ARHGAP44: variants seen among roughly 807,000 people sequenced by gnomAD.
ARHGAP44 encodes the protein Rho GTPase activating protein 44.
Under a neutral mutation model 106.8 loss-of-function variants are expected in ARHGAP44, and 43 were observed. The observed-to-expected ratio is 0.40, with a 90% CI of 0.32 to 0.52. The LOEUF is 0.52. Among genes scored for constraint, ARHGAP44 ranks in the 20% least tolerant of loss-of-function variants. The probability of loss-of-function intolerance (pLI) is 0.48; values close to 1 mark genes in which losing one functional copy is unlikely to be tolerated. For synonymous variants in ARHGAP44, 439 were observed against 410.3 expected (o/e 1.07, Z -0.85); for missense variants, 866 against 1,050.5 (o/e 0.82, Z 2.43).
At chr17:12,973,343 G>A (rs1598145037) in intron 17 of ARHGAP44, 24 bp downstream of exon 17, 2 of 1,604,246 alleles carry the variant, frequency 1.2e-6, no homozygotes, top group East Asian at 2.2e-5. Context: ...TGGTAGCTAT[G>A]AGGCCATGCT....
intron 10 of ARHGAP44, among the ~76,000 whole-genome samples, chr17:12,946,982 C>T (rs777294549): frequency 6.6e-6 from 1 of 152,102 alleles, no homozygotes; most frequent in Non-Finnish European, 1.5e-5. Flanking sequence ...GCATTTTTTC[C>T]CTGTTTTGTG....
intron 8 of ARHGAP44, among the ~76,000 whole-genome samples, 177 bp downstream of exon 8, chr17:12,941,301 G>T (rs575349905): frequency 6.6e-6 from 1 of 151,996 alleles, no homozygotes; most frequent in Non-Finnish European, 1.5e-5. Context: ...AAAAACCTTA[G>T]AATAAAACTC....
chr17:12,979,572 A>G (rs1413593289), intron 18 of ARHGAP44, among the ~76,000 whole-genome samples: 1 of 152,166 alleles, frequency 6.6e-6, no homozygotes, highest in Non-Finnish European at 1.5e-5. Context: ...CTGGAGGCTC[A>G]GGGCAAACAG....
At chr17:12,797,714 G>A (rs769128824) in intron 1 of ARHGAP44, among the ~76,000 whole-genome samples, 1 of 152,072 alleles carries the variant, frequency 6.6e-6, no homozygotes, top group African/African-American at 2.4e-5. Context: ...AAGTTGATCA[G>A]TTTTCTTGAC....
At position 12,958,963 on chromosome 17, in the gene ARHGAP44, G is replaced by T. The variant is rs554958225; in HGVS notation, c.1523+66G>T. 3.3e-6 allele frequency: 5 copies of T among 1,526,972 alleles called. No homozygotes were observed. The highest frequency in any genetic ancestry group is 2.0e-5 in the Admixed American group (1 of 51,270). 94.6% of individuals were successfully genotyped at this position (1,526,972 alleles called of 1,614,324 possible). ...GAGGTGGTGGGGGTGGATGGGTGACGCATAAGAAAAATACAATTACGGGAA... is the reference window on the plus strand; with the variant it reads ...GAGGTGGTGGGGGTGGATGGGTGACTCATAAGAAAAATACAATTACGGGAA... On this transcript the variant is annotated intron_variant, in intron 16 of 20. Transcript: ENST00000379672. This position sits in a 1 kb window ranked among gnomAD's most constrained non-coding sequence, Gnocchi z 4.1.
Position 12,990,057 on chromosome 17 carries a change from G to C in ARHGAP44, c.2343G>C (p.Ser781=). 6.2e-6 allele frequency: 10 copies of C among 1,608,440 alleles called. No homozygotes were observed. Among genetic ancestry groups the C allele is most frequent in the Non-Finnish European group, 8.5e-6 (10 of 1,175,448 alleles). The change falls in exon 21 of 21, where the codon TCG becomes TCC. Residue 781 remains serine (S), a synonymous_variant. Transcript: ENST00000379672. The stretch of plus-strand genomic sequence containing the variant: ...ATCTTGTCCACTTTGATATTCCCTC[G>C]ATCCACATAGAGCTCGGGTCGACGC... The part of the protein sequence containing the change: ...STDLVHFDIP[S]IHIELGSTLR...
intron 20 of ARHGAP44, chr17:12,988,206 G>A (rs2040008032): frequency 6.6e-6 from 1 of 152,218 alleles, no homozygotes; most frequent in African/African-American, 2.4e-5. Flanking sequence ...AAGGATAAAG[G>A]TATGACAGCT....
chr17:12,851,820 A>G (rs916613865), intron 1 of ARHGAP44, among the ~76,000 whole-genome samples: 7 of 152,004 alleles, frequency 4.6e-5, no homozygotes, highest in South Asian at 4.1e-4. Context: ...CAAGTCATGA[A>G]CGCTTTTGTG....
rs180794733 is a variant in ARHGAP44, at chr17:12,870,736, T to C, written c.54-24204T>C. On this transcript the variant is annotated intron_variant, in intron 1 of 20. Coordinates refer to ENST00000379672, the MANE Select transcript of ARHGAP44 (RefSeq NM_014859.6). Reference sequence around the variant, plus strand: ...ACACATATGTTATTTACACACTATTTACTTCCTGCTGGTGAGATGAGGTTT... The same window carrying C: ...ACACATATGTTATTTACACACTATTCACTTCCTGCTGGTGAGATGAGGTTT... 2.0e-5 allele frequency among the ~76,000 whole-genome samples: 3 copies of C among 152,354 alleles called. No homozygotes were observed. In the East Asian group the frequency reaches 5.8e-4, roughly 29 times the overall value.
intron 1 of ARHGAP44, among the ~76,000 whole-genome samples, chr17:12,829,234 C>T (rs550621621): frequency 6.6e-6 from 1 of 152,030 alleles, no homozygotes. Flanking sequence ...TTGAGCTGGT[C>T]CGTCATTCCT....
At chr17:12,943,521 T>C (rs1448566089) in intron 8 of ARHGAP44, 67 bp from the exon 9 acceptor site, 12 of 1,506,546 alleles carry the variant, frequency 8.0e-6, no homozygotes, top group Non-Finnish European at 1.0e-5. Flanking sequence ...GCAAAATGCT[T>C]TGCATGCCAT....
intron 13 of ARHGAP44, among the ~76,000 whole-genome samples, chr17:12,952,887 G>T (rs1213725336): frequency 6.6e-6 from 1 of 151,648 alleles, no homozygotes; most frequent in African/African-American, 2.4e-5. Context: ...ACCACCACGC[G>T]TGGTCTCTGT....
At position 12,973,311 on chromosome 17, in the gene ARHGAP44, A is replaced by G. The variant is rs1335493863; in HGVS notation, c.1533A>G (p.Lys511=). 1 of 1,609,044 alleles carries G rather than the reference A, an allele frequency of 6.2e-7. No homozygotes were observed. The highest frequency in any genetic ancestry group is 2.2e-5 in the East Asian group (1 of 44,820). ...LEFYKKDGLR[K]IQSMGVRVMD... ...GTTTCTGTCCCTGCAGCCTTAGGAA[A>G]ATCCAAAGGTATGGTATCCTCTGGT... The change falls in exon 17 of 21, where the codon AAA becomes AAG. Residue 511 remains lysine (K), a synonymous_variant. Coordinates refer to ENST00000379672, the MANE Select transcript of ARHGAP44 (RefSeq NM_014859.6).
intron 1 of ARHGAP44, among the ~76,000 whole-genome samples, chr17:12,853,158 C>T (rs2035811313): frequency 1.3e-5 from 2 of 152,132 alleles, no homozygotes; most frequent in South Asian, 4.1e-4. Flanking sequence ...CCTGAGAGCC[C>T]CTGGCAAACC....
intron 1 of ARHGAP44, among the ~76,000 whole-genome samples, chr17:12,804,588 A>C (rs1169138693): frequency 6.6e-6 from 1 of 152,196 alleles, no homozygotes; most frequent in African/African-American, 2.4e-5. Context: ...TTTTCATGGG[A>C]TACCCATTCT....
At chr17:12,889,113 A>AT (rs1263680286) in intron 1 of ARHGAP44, among the ~76,000 whole-genome samples, 2 of 151,958 alleles carry the variant, frequency 1.3e-5, no homozygotes, top group Non-Finnish European at 2.9e-5. Flanking sequence ...ATTTTTGTTT[A>AT]TTTTTTGTTT....
chr17:12,903,566 C>G (rs2150932287), intron 3 of ARHGAP44, among the ~76,000 whole-genome samples: 1 of 152,170 alleles, frequency 6.6e-6, no homozygotes. Context: ...CAATTTAATT[C>G]TTCTAAGACT....
At chr17:12,848,522 C>G (rs1056758222) in intron 1 of ARHGAP44, among the ~76,000 whole-genome samples, 6 of 151,996 alleles carry the variant, frequency 3.9e-5, no homozygotes, top group Admixed American at 2.6e-4. Flanking sequence ...TGTTTTTCCT[C>G]TAATTCATGC....
chr17:12,979,753 AG>A (rs1261597906), intron 18 of ARHGAP44, among the ~76,000 whole-genome samples: 4 of 152,234 alleles, frequency 2.6e-5, no homozygotes, highest in African/African-American at 9.6e-5. Context: ...AGAGGTGCTC[AG>A]GCCCCTGCCC....
Sources: gnomAD v4.1 joint callset for allele counts (sites outside exome capture counted in the v4.1 genomes callset) on GRCh38, gnomAD v4.1.1 for gene constraint, Gnocchi (gnomAD v3.1) non-coding constraint, MANE v1.5 for transcripts, NCBI Gene and HGNC (gene_info 2026-07-23, HGNC 2026-07-21) for gene names.